AHI1: variants seen among roughly 807,000 people sequenced by gnomAD.
The protein encoded by AHI1 is jouberin.
AHI1 carries 123 observed loss-of-function variants against 149.3 expected under a neutral mutation model. That is an observed-to-expected ratio of 0.82 (90% CI 0.71 to 0.96). AHI1 has a LOEUF of 0.96. AHI1 is among the 40% of genes least tolerant of loss of function. The probability of loss-of-function intolerance (pLI) is 0.00; values close to 1 mark genes in which losing one functional copy is unlikely to be tolerated. For missense variants in AHI1, 1,439 were observed against 1,422.7 expected (o/e 1.01, Z -0.18); for synonymous variants, 475 against 459.8 (o/e 1.03, Z -0.42).
At chr6:135,414,161 G>A (rs138258475) in intron 20 of AHI1, among the ~76,000 whole-genome samples, 1 of 152,018 alleles carries the variant, frequency 6.6e-6, no homozygotes, top group Non-Finnish European at 1.5e-5. Context: ...GAGTGCCCAG[G>A]GTGTATAGAC....
At position 135,411,375 on chromosome 6, in the gene AHI1, T is replaced by C. The variant is rs781601905; in HGVS notation, c.2934A>G (p.Leu978=). The C allele has an allele frequency of 6.2e-7, 1 of 1,613,882 alleles. No homozygotes were observed. Among genetic ancestry groups the C allele is most frequent in the East Asian group, 2.2e-5 (1 of 44,866 alleles). The part of the protein sequence containing the change: ...HTESSSTKMQ[L]VKQRLETVTE... ...TGACAGTTTCAAGCCTCTGTTTTACTAGCTGCATCTTCGTTGAAGAACTTT... is the reference window on the plus strand; with the variant it reads ...TGACAGTTTCAAGCCTCTGTTTTACCAGCTGCATCTTCGTTGAAGAACTTT... Residue 978 remains leucine (L), a synonymous_variant, in exon 21 of 29, where the codon CTA becomes CTG. Transcript: ENST00000265602.
At chr6:135,416,321 A>C (rs748914349) in intron 20 of AHI1, among the ~76,000 whole-genome samples, 1 of 152,102 alleles carries the variant, frequency 6.6e-6, no homozygotes, top group Non-Finnish European at 1.5e-5. Context: ...AATATATTTA[A>C]CTTCACTAAA....
intron 23 of AHI1, among the ~76,000 whole-genome samples, chr6:135,389,060 C>T (rs771504962): frequency 2.7e-4 from 41 of 151,880 alleles, no homozygotes; most frequent in Middle Eastern, 6.8e-3. Context: ...CCTGTAATCC[C>T]AGCACTTTGG....
At chr6:135,458,058 T>C (rs1259372166) in intron 8 of AHI1, among the ~76,000 whole-genome samples, 1 of 152,188 alleles carries the variant, frequency 6.6e-6, no homozygotes, top group Non-Finnish European at 1.5e-5. Flanking sequence ...CTGGGTGGGA[T>C]GCAGTAGGAT....
intron 24 of AHI1, among the ~76,000 whole-genome samples, chr6:135,356,556 A>T (rs1022761479): frequency 2.0e-5 from 3 of 152,216 alleles, no homozygotes; most frequent in African/African-American, 4.8e-5. Context: ...TGTAGTAGAG[A>T]CACAGAAGGA....
intron 23 of AHI1, among the ~76,000 whole-genome samples, chr6:135,368,551 C>G (rs1443806391): frequency 6.6e-6 from 1 of 152,112 alleles, no homozygotes; most frequent in Non-Finnish European, 1.5e-5. Flanking sequence ...AACTCAGACT[C>G]TCTTTGGGCG....
intron 5 of AHI1, among the ~76,000 whole-genome samples, chr6:135,472,923 T>C (rs1791980081): frequency 6.6e-6 from 1 of 152,224 alleles, no homozygotes; most frequent in Non-Finnish European, 1.5e-5. Flanking sequence ...ATATTTTATC[T>C]AAACCTATAG....
chr6:135,348,167 C>T (rs966381539), intron 24 of AHI1, among the ~76,000 whole-genome samples: 14 of 152,016 alleles, frequency 9.2e-5, no homozygotes, highest in Non-Finnish European at 1.5e-4. Context: ...ATGTTTATCA[C>T]GGTAAAAAAA....
chr6:135,388,994 A>T (rs1778030458), intron 23 of AHI1, among the ~76,000 whole-genome samples: 1 of 151,140 alleles, frequency 6.6e-6, no homozygotes, highest in Admixed American at 6.6e-5. Context: ...CCTGGGTGAC[A>T]AGAGTGAGGT....
chr6:135,367,794 T>C (rs1468558517), intron 23 of AHI1, among the ~76,000 whole-genome samples: 4 of 152,222 alleles, frequency 2.6e-5, no homozygotes, highest in Non-Finnish European at 5.9e-5. Context: ...GTATTCACCT[T>C]TCTCTGGTGC....
chr6:135,339,357 A>G (rs2128409204), intron 24 of AHI1, among the ~76,000 whole-genome samples: 1 of 152,340 alleles, frequency 6.6e-6, no homozygotes, highest in East Asian at 1.9e-4. Context: ...CTTCTGAGAA[A>G]GCCCAGATGT....
intron 27 of AHI1, 37 bp downstream of exon 27, chr6:135,300,463 A>C (rs780756728): frequency 5.9e-5 from 92 of 1,554,354 alleles, no homozygotes; most frequent in Non-Finnish European, 7.7e-5. Flanking sequence ...AACCCCAACC[A>C]TTTATCACTG....
chr6:135,424,409 C>T (rs1001081551), intron 20 of AHI1, among the ~76,000 whole-genome samples: 1 of 151,992 alleles, frequency 6.6e-6, no homozygotes, highest in African/African-American at 2.4e-5. Context: ...AATAACAACA[C>T]ATTAACTGAA....
intron 27 of AHI1, 70 bp from the exon 28 acceptor site, chr6:135,290,595 T>G: frequency 1.9e-5 from 29 of 1,537,058 alleles, no homozygotes; most frequent in Non-Finnish European, 2.6e-5. Context: ...AGATGAGGCT[T>G]TGATCTAGGG....
intron 26 of AHI1, among the ~76,000 whole-genome samples, chr6:135,304,251 C>T (rs1326098944): frequency 6.6e-6 from 1 of 152,072 alleles, no homozygotes; most frequent in Non-Finnish European, 1.5e-5. Flanking sequence ...TGAGGTTTCA[C>T]TATATTGTCC....
chr6:135,497,295 T>C (rs1244613126), intron 1 of AHI1, 46 bp from the exon 2 acceptor site: 1 of 152,236 alleles, frequency 6.6e-6, no homozygotes, highest in African/African-American at 2.4e-5. Flanking sequence ...TTTAAAAGCA[T>C]TTAAATAAGA....
intron 17 of AHI1, 82 bp downstream of exon 17, chr6:135,431,126 T>A: frequency 1.2e-6 from 1 of 854,106 alleles, no homozygotes; most frequent in Non-Finnish European, 1.8e-6. Flanking sequence ...CAGAATGTCC[T>A]GACATCCTAT....
intron 7 of AHI1, among the ~76,000 whole-genome samples, chr6:135,465,382 C>T (rs1391671785): frequency 6.6e-6 from 1 of 152,038 alleles, no homozygotes; most frequent in African/African-American, 2.4e-5. Flanking sequence ...AGTTTTTCTA[C>T]AATGAGCTAA....
chr6:135,298,807 G>A lies in AHI1; in HGVS notation c.3485+1693C>T, dbSNP rs138176094. 3.5e-3 allele frequency among the ~76,000 whole-genome samples: 528 copies of A among 152,284 alleles called. 2 individuals are homozygous for A. The highest frequency in any genetic ancestry group is 0.012 in the African/African-American group (486 of 41,566). The stretch of plus-strand genomic sequence containing the variant: ...AGGTTTTATTGAACTTTAATCTGGA[G>A]GGCATGACATGGATCTCTGTATCTC... On this transcript the variant is annotated intron_variant, in intron 27 of 28. Transcript: ENST00000265602.
Sources: allele counts gnomAD v4.1 joint callset (sites outside exome capture counted in the v4.1 genomes callset), GRCh38; gene constraint gnomAD v4.1.1; transcripts MANE v1.5; gene names NCBI Gene and HGNC (gene_info 2026-07-23, HGNC 2026-07-21).